ADGRB1: variants seen among roughly 807,000 people sequenced by gnomAD.
ADGRB1 encodes the protein brain-specific angiogenesis inhibitor 1.
A neutral mutation model predicts 175.7 loss-of-function variants in ADGRB1; 36 were observed. The ratio of observed to expected loss-of-function variants is 0.20; its 90% CI spans 0.16 to 0.27. The LOEUF is 0.27. Ranked by LOEUF, ADGRB1 falls within the 10% of genes least tolerant of loss-of-function variation. The pLI, the probability that ADGRB1 is intolerant of heterozygous loss-of-function variation, is 1.00. For missense variants in ADGRB1, 1,731 were observed against 2,255.3 expected, an observed-to-expected ratio of 0.77 and a Z score of 4.71; for synonymous variants, 1,054 against 979.4, an observed-to-expected ratio of 1.08 and a Z score of -1.42.
intron 26 of ADGRB1, among the ~76,000 whole-genome samples, chr8:142,538,077 CCT>C (rs1198871775): frequency 3.9e-5 from 6 of 152,210 alleles, no homozygotes; most frequent in African/African-American, 9.7e-5. Flanking sequence ...TGCTCCTGCC[CCT>C]GTGTCCTTCA....
intron 11 of ADGRB1, among the ~76,000 whole-genome samples, chr8:142,483,141 A>C (rs1451428392): frequency 3.9e-5 from 4 of 102,006 alleles, no homozygotes; most frequent in Non-Finnish European, 1.9e-5. Context: ...CACATGCTGA[A>C]CCCTGATCCT....
At position 142,510,017 on chromosome 8, in the gene ADGRB1, G is replaced by A. The variant is rs1256662813; in HGVS notation, c.2676-915G>A. ...GAGGGACACGGTGGCTTCCGGACAG[G>A]AGGGCTGCCTTGAAGGGTGGGGGAA... On this transcript the variant is annotated intron_variant, in intron 17 of 30. Coordinates refer to ENST00000517894, the MANE Select transcript of ADGRB1 (RefSeq NM_001702.3). This position sits in a 1 kb window ranked among gnomAD's most constrained non-coding sequence, Gnocchi z 6.3. 6.6e-6 allele frequency among the ~76,000 whole-genome samples: 1 copy of A among 152,172 alleles called. No individual in the cohort carries two copies. The highest frequency in any genetic ancestry group is 2.4e-5 in the African/African-American group (1 of 41,442).
chr8:142,486,806 C>T (rs994652048), intron 13 of ADGRB1, among the ~76,000 whole-genome samples: 4 of 152,148 alleles, frequency 2.6e-5, no homozygotes, highest in African/African-American at 9.7e-5. Context: ...ATCGCTTGAG[C>T]CCAGGAGTTT....
At chr8:142,479,219 G>T in intron 7 of ADGRB1, 104 bp from the exon 8 acceptor site, 3 of 1,266,932 alleles carry the variant, frequency 2.4e-6, no homozygotes, top group South Asian at 2.5e-5. Flanking sequence ...TTTCACTGCC[G>T]CATGGCTCTG....
chr8:142,543,667 G>A lies in ADGRB1; in HGVS notation c.4516G>A (p.Ala1506Thr), dbSNP rs554127237. 53 of 1,546,414 alleles carry A rather than the reference G, an allele frequency of 3.4e-5. No individual in the cohort carries two copies. The highest frequency in any genetic ancestry group is 2.1e-4 in the Admixed American group (11 of 52,228). ...FQDLNRKLQHAAEKDKEVLGP... is the reference protein window; with the variant it reads ...FQDLNRKLQHTAEKDKEVLGP... ...GGACCTGAACCGGAAGCTGCAGCAC[G>A]CAGCGGAGAAGGACAAGGAGGTGCT... The change falls in exon 30 of 31, where the codon GCA becomes ACA. Residue 1506 changes from alanine (A) to threonine (T), a missense_variant. By Grantham distance (58) the Ala-to-Thr change is moderately conservative. Coordinates refer to ENST00000517894, the MANE Select transcript of ADGRB1 (RefSeq NM_001702.3). The surrounding 1 kb of genome is among the most constrained non-coding windows in gnomAD (Gnocchi z 4.4).
chr8:142,465,083 G>A, intron 2 of ADGRB1, 101 bp downstream of exon 2: 1 of 1,168,824 alleles, frequency 8.6e-7, no homozygotes, highest in Non-Finnish European at 1.1e-6. Context: ...GGCGGACAGA[G>A]GAGGTGGGCG....
At chr8:142,506,476 TC>T (rs1388841575) in intron 17 of ADGRB1, among the ~76,000 whole-genome samples, 1 of 152,174 alleles carries the variant, frequency 6.6e-6, no homozygotes, top group East Asian at 1.9e-4. Context: ...TGACCCAGAT[TC>T]CTCAGGCCTG....
chr8:142,516,607 G>GGTGT (rs149819921), intron 18 of ADGRB1, among the ~76,000 whole-genome samples: 7 of 141,236 alleles, frequency 5.0e-5, no homozygotes, highest in Non-Finnish European at 7.6e-5. Context: ...GCAGGCCACA[G>GGTGT]GTGTGTGTGT....
chr8:142,468,287 T>C (rs1394817413), intron 2 of ADGRB1, among the ~76,000 whole-genome samples: 1 of 152,142 alleles, frequency 6.6e-6, no homozygotes. Flanking sequence ...TGTGAATGTA[T>C]GTATCCAGGC....
chr8:142,535,609 C>T (rs1844878027), intron 25 of ADGRB1, among the ~76,000 whole-genome samples: 1 of 152,178 alleles, frequency 6.6e-6, no homozygotes, highest in African/African-American at 2.4e-5. Context: ...CCAGCCGGCC[C>T]TGTGGCCTGG....
intron 1 of ADGRB1, among the ~76,000 whole-genome samples, chr8:142,453,940 G>C (rs1442680844): frequency 1.3e-5 from 2 of 152,224 alleles, no homozygotes; most frequent in Non-Finnish European, 2.9e-5. Flanking sequence ...CATTGTGCGG[G>C]TGTGAGAAAT....
chr8:142,543,927 C>G lies in ADGRB1; in HGVS notation c.4557+219C>G, dbSNP rs1374428013. On this transcript the variant is annotated intron_variant, in intron 30 of 30. Transcript: ENST00000517894. The surrounding 1 kb of genome is among the most constrained non-coding windows in gnomAD (Gnocchi z 4.4). ...GGAGCTGAGCGGTCACGAGCCTGCTCCTGGGGCCAGGGGTCTGGATTGGGG... is the reference window on the plus strand; with the variant it reads ...GGAGCTGAGCGGTCACGAGCCTGCTGCTGGGGCCAGGGGTCTGGATTGGGG... 2.0e-5 allele frequency among the ~76,000 whole-genome samples: 3 copies of G among 152,144 alleles called. No homozygotes were observed. Among genetic ancestry groups the G allele is most frequent in the Non-Finnish European group, 4.4e-5 (3 of 68,004 alleles).
At chr8:142,521,130 A>T (rs1843819919) in intron 20 of ADGRB1, among the ~76,000 whole-genome samples, 1 of 152,260 alleles carries the variant, frequency 6.6e-6, no homozygotes, top group Non-Finnish European at 1.5e-5. Flanking sequence ...CCGGCCAAGA[A>T]GGGCAGCTTG....
intron 17 of ADGRB1, among the ~76,000 whole-genome samples, chr8:142,508,328 G>A (rs1021946648): frequency 6.6e-6 from 1 of 152,182 alleles, no homozygotes; most frequent in African/African-American, 2.4e-5. Flanking sequence ...CTGCCCTGGA[G>A]GGTGTAGGGG....
chr8:142,452,427 C>T (rs1445750391), intron 1 of ADGRB1, among the ~76,000 whole-genome samples: 4 of 152,168 alleles, frequency 2.6e-5, no homozygotes, highest in Non-Finnish European at 4.4e-5. Context: ...CAGCACTCAT[C>T]CGGATCCCGG....
chr8:142,484,657 C>A lies in ADGRB1; in HGVS notation c.2201C>A (p.Ala734Glu). The A allele has an allele frequency of 6.2e-7, 1 of 1,607,538 alleles. No homozygotes were observed. The highest frequency in any genetic ancestry group is 8.5e-7 in the Non-Finnish European group (1 of 1,177,666). Reference protein sequence around the residue: ...NRDKWEEAQLAGPNAKELFRL... With the variant: ...NRDKWEEAQLEGPNAKELFRL... ...GCTGCTCACCCCCCTGCCCTCCAGG[C>A]GGGCCCCAACGCCAAGGAGCTGTTC... Residue 734 changes from alanine (A) to glutamate (E), a missense_variant and splice_region_variant, in exon 13 of 31, where the codon GCG becomes GAG. Physicochemically the swap from Ala to Glu is moderately radical, Grantham distance 107 (BLOSUM62 -1). This residue lies in a region of ADGRB1 where 388 missense variants were observed against 630.9 expected (regional missense o/e 0.61). Transcript: ENST00000517894.
At chr8:142,483,786 C>T (rs1841514736) in intron 11 of ADGRB1, among the ~76,000 whole-genome samples, 191 bp from the exon 12 acceptor site, 2 of 149,294 alleles carry the variant, frequency 1.3e-5, no homozygotes, top group South Asian at 2.1e-4. Flanking sequence ...CACTGAGCCT[C>T]GATCCTGGTT....
At chr8:142,460,696 C>G (rs1274879992) in intron 1 of ADGRB1, among the ~76,000 whole-genome samples, 1 of 152,172 alleles carries the variant, frequency 6.6e-6, no homozygotes, top group African/African-American at 2.4e-5. Context: ...AGTTGCGCTG[C>G]CTGGCCCTTA....
intron 1 of ADGRB1, among the ~76,000 whole-genome samples, chr8:142,460,541 C>G (rs1461147176): frequency 6.6e-6 from 1 of 152,186 alleles, no homozygotes; most frequent in African/African-American, 2.4e-5. Context: ...CCCACACCCC[C>G]CTGACTTGCT....
Sources: gnomAD v4.1 joint callset for allele counts (sites outside exome capture counted in the v4.1 genomes callset) on GRCh38, gnomAD v4.1.1 for gene constraint, gnomAD v4.1.1 regional missense constraint, Gnocchi (gnomAD v3.1) non-coding constraint, MANE v1.5 for transcripts, NCBI Gene and HGNC (gene_info 2026-07-23, HGNC 2026-07-21) for gene names.